Variants in XYLT1 observed in about 807,000 individuals in gnomAD.
XYLT1 encodes the protein beta-D-xylosyltransferase 1.
In XYLT1, 36 loss-of-function variants were observed where a neutral mutation model predicts 91.3. That is an observed-to-expected ratio of 0.39 (90% CI 0.30 to 0.52). The LOEUF (loss-of-function observed/expected upper bound fraction) is 0.52, where lower values mean the gene tolerates loss of function less well. XYLT1 is among the 20% of genes least tolerant of loss of function. The pLI, the probability that XYLT1 is intolerant of heterozygous loss-of-function variation, is 0.68. For missense variants in XYLT1, 1,242 were observed against 1,284.5 expected, an observed-to-expected ratio of 0.97 and a Z score of 0.51; for synonymous variants, 588 against 532.0, an observed-to-expected ratio of 1.11 and a Z score of -1.45.
intron 2 of XYLT1, among the ~76,000 whole-genome samples, 193 bp downstream of exon 2, chr16:17,357,819 C>T (rs547617833): frequency 6.6e-6 from 1 of 152,362 alleles, no homozygotes; most frequent in South Asian, 2.1e-4. Context: ...TGCACCCATG[C>T]ACACCCACAC....
At chr16:17,122,603 C>T (rs11644018) in intron 10 of XYLT1, among the ~76,000 whole-genome samples, 99,318 of 152,102 alleles carry the variant, frequency 0.65, 33,306 homozygotes, top group Non-Finnish European at 0.71. Flanking sequence ...GTCCTATCTA[C>T]TTATCTTTGT....
chr16:17,454,127 T>C (rs1029061635), intron 1 of XYLT1, among the ~76,000 whole-genome samples: 1 of 152,156 alleles, frequency 6.6e-6, no homozygotes, highest in African/African-American at 2.4e-5. Context: ...GTCAAATCAA[T>C]TGGTAAAAAA....
At chr16:17,249,517 T>C (rs981715841) in intron 3 of XYLT1, among the ~76,000 whole-genome samples, 1 of 152,208 alleles carries the variant, frequency 6.6e-6, no homozygotes, top group African/African-American at 2.4e-5. Context: ...CAATAAATAT[T>C]AAATGAATAA....
At chr16:17,288,608 G>A (rs1035211391) in intron 2 of XYLT1, among the ~76,000 whole-genome samples, 8 of 152,294 alleles carry the variant, frequency 5.3e-5, no homozygotes, top group South Asian at 2.1e-4. Flanking sequence ...CAGGTCATGC[G>A]ACCTGCTTTG....
intron 1 of XYLT1, among the ~76,000 whole-genome samples, chr16:17,412,430 C>G (rs1183070487): frequency 6.6e-6 from 1 of 151,718 alleles, no homozygotes; most frequent in Non-Finnish European, 1.5e-5. Context: ...CTGGGCTTAA[C>G]TCAGCCTAGA....
chr16:17,409,349 G>A (rs1336477881), intron 1 of XYLT1, among the ~76,000 whole-genome samples: 5 of 152,254 alleles, frequency 3.3e-5, no homozygotes, highest in East Asian at 3.9e-4. Flanking sequence ...GCTATTTCTC[G>A]ACAGTTCCTC....
intron 3 of XYLT1, among the ~76,000 whole-genome samples, chr16:17,204,364 C>T (rs1169816480): frequency 6.6e-6 from 1 of 152,042 alleles, no homozygotes; most frequent in East Asian, 1.9e-4. Flanking sequence ...AAGAGAGCTC[C>T]CTTGGCTTAA....
intron 1 of XYLT1, among the ~76,000 whole-genome samples, chr16:17,413,672 A>G (rs571268963): frequency 3.3e-5 from 5 of 152,160 alleles, no homozygotes; most frequent in African/African-American, 1.2e-4. Context: ...TCCTGGGCTT[A>G]AGCCATCCAC....
chr16:17,317,044 G>A (rs967362823), intron 2 of XYLT1, among the ~76,000 whole-genome samples: 8 of 150,346 alleles, frequency 5.3e-5, no homozygotes, highest in Non-Finnish European at 8.9e-5. Context: ...GGATGGTCTC[G>A]ATCTCCTGAC....
intron 3 of XYLT1, among the ~76,000 whole-genome samples, chr16:17,205,834 A>G (rs1232353432): frequency 1.3e-5 from 2 of 152,210 alleles, no homozygotes; most frequent in Admixed American, 1.3e-4. Flanking sequence ...TACTCTACCA[A>G]CAAAGCCCTC....
intron 5 of XYLT1, among the ~76,000 whole-genome samples, chr16:17,192,090 CTCTTTTTTTTTTT>C (rs1268396312): frequency 2.1e-5 from 3 of 141,460 alleles, no homozygotes; most frequent in African/African-American, 5.3e-5. Context: ...CTCTCTCTCT[CTCTTTTTTTTTTT>C]TTTTTTTTTT....
chr16:17,378,664 A>C (rs1288799866), intron 1 of XYLT1, among the ~76,000 whole-genome samples: 1 of 152,192 alleles, frequency 6.6e-6, no homozygotes, highest in Non-Finnish European at 1.5e-5. Flanking sequence ...ACTCTTTGTA[A>C]CTCATGTTTT....
At chr16:17,438,926 A>G (rs1049917409) in intron 1 of XYLT1, among the ~76,000 whole-genome samples, 12 of 152,172 alleles carry the variant, frequency 7.9e-5, no homozygotes, top group African/African-American at 2.9e-4. Context: ...GCCAAACCAT[A>G]TCAGCATCCA....
In XYLT1 at chr16:17,102,898, T is replaced by G. The variant is rs1966725297; in HGVS notation, c.*5797A>C. 6.6e-6 allele frequency: 1 copy of G among 152,436 alleles called. No homozygotes were observed. The highest frequency in any genetic ancestry group is 6.6e-5 in the Admixed American group (1 of 15,256). 9.4% of individuals were successfully genotyped at this position (152,436 alleles called of 1,614,324 possible). A position where few individuals can be genotyped will look rare whatever the true frequency, so the allele number is the denominator to read the frequency against. ...AAACAATGAAGGGGACGGTAATAAC[T>G]TAGAGTGAGGCCTCTAAAACAAATA... On this transcript the variant is annotated 3_prime_UTR_variant, in exon 12 of 12. Coordinates refer to ENST00000261381, the MANE Select transcript of XYLT1 (RefSeq NM_022166.4).
At chr16:17,114,664 C>T in intron 11 of XYLT1, among the ~76,000 whole-genome samples, 1 of 152,144 alleles carries the variant, frequency 6.6e-6, no homozygotes, top group East Asian at 1.9e-4. Context: ...GGCTAAAAGG[C>T]ACCCAATCCA....
chr16:17,106,203 A>C lies in XYLT1; in HGVS notation c.*2492T>G, dbSNP rs1966771605. On this transcript the variant is annotated 3_prime_UTR_variant, in exon 12 of 12. Coordinates refer to ENST00000261381, the MANE Select transcript of XYLT1 (RefSeq NM_022166.4). ...CCCATCTTGAAGTCTGCAGGTTCAC[A>C]TTATGCACAGGGACTTGCCACTGCT... The C allele has an allele frequency of 6.6e-6, 1 of 152,228 alleles. No individual in the cohort carries two copies. The highest frequency in any genetic ancestry group is 1.5e-5 in the Non-Finnish European group (1 of 68,054). The allele number at this position is 152,228 out of a possible 1,614,324, so 9.4% of individuals were successfully genotyped here.
At chr16:17,381,440 T>G (rs2035679580) in intron 1 of XYLT1, among the ~76,000 whole-genome samples, 1 of 135,040 alleles carries the variant, frequency 7.4e-6, no homozygotes, top group African/African-American at 2.9e-5. Flanking sequence ...TTTTTTTTTT[T>G]TTGAAATGGA....
In XYLT1 at chr16:17,431,287, G is replaced by A. The variant is rs554495985; in HGVS notation, c.363+39147C>T. ...TAGAGCGGCGCTTCTCAAACTTCAC[G>A]TGCACATCTATCGCCTGGGAATCTT... On this transcript the variant is annotated intron_variant, in intron 1 of 11. Coordinates refer to ENST00000261381, the MANE Select transcript of XYLT1 (RefSeq NM_022166.4). Among the ~76,000 whole-genome samples the A allele has an allele frequency of 6.5e-4, 99 of 152,088 alleles. 1 individual carries two copies. The highest frequency in any genetic ancestry group is 1.2e-3 in the Non-Finnish European group (82 of 68,038).
rs2141470368 is a variant in XYLT1 at position 17,102,878 on chromosome 16, A to G, written c.*5817T>C. 1 of 152,734 alleles carries G rather than the reference A, an allele frequency of 6.5e-6. No homozygotes were observed. Among genetic ancestry groups the G allele is most frequent in the South Asian group, 2.1e-4 (1 of 4,828 alleles). The allele number at this position is 152,734 out of a possible 1,614,324, so 9.5% of individuals were successfully genotyped here. A position where few individuals can be genotyped will look rare whatever the true frequency, so the allele number is the denominator to read the frequency against. On this transcript the variant is annotated 3_prime_UTR_variant, in exon 12 of 12. Coordinates refer to ENST00000261381, the MANE Select transcript of XYLT1 (RefSeq NM_022166.4). ...ATATCACCACATGTCTTTGAAAACA[A>G]TGAAGGGGACGGTAATAACTTAGAG...
Sources: allele counts gnomAD v4.1 joint callset (sites outside exome capture counted in the v4.1 genomes callset), GRCh38; gene constraint gnomAD v4.1.1; transcripts MANE v1.5; gene names NCBI Gene and HGNC (gene_info 2026-07-23, HGNC 2026-07-21).